Variants in RBFOX1 observed in about 807,000 individuals in gnomAD.
RBFOX1 encodes the protein RNA binding protein fox-1 homolog 1.
RBFOX1 carries 8 observed loss-of-function variants against 57.7 expected under a neutral mutation model. The observed-to-expected ratio is 0.14, with a 90% CI of 0.08 to 0.25. RBFOX1 has a LOEUF of 0.25. Among genes scored for constraint, RBFOX1 ranks in the 10% least tolerant of loss-of-function variants. RBFOX1 has a pLI of 1.00. For synonymous variants in RBFOX1, 326 were observed against 222.4 expected, an observed-to-expected ratio of 1.47 and a Z score of -4.15; for missense variants, 611 against 548.5, an observed-to-expected ratio of 1.11 and a Z score of -1.14.
chr16:5,757,941 G>T (rs2053458418), intron 3 of RBFOX1, among the ~76,000 whole-genome samples: 1 of 152,244 alleles, frequency 6.6e-6, no homozygotes, highest in East Asian at 1.9e-4. Context: ...CACCACTGTA[G>T]CTGACCCTGA....
intron 1 of RBFOX1, among the ~76,000 whole-genome samples, chr16:6,030,613 G>T (rs572577929): frequency 1.3e-5 from 2 of 152,134 alleles, no homozygotes; most frequent in African/African-American, 2.4e-5. Context: ...ATATAAGGTA[G>T]GTGAACATTG....
intron 3 of RBFOX1, among the ~76,000 whole-genome samples, chr16:5,678,816 T>C (rs1437685470): frequency 6.6e-6 from 1 of 152,246 alleles, no homozygotes; most frequent in East Asian, 1.9e-4. Flanking sequence ...AACCCGCTGT[T>C]CTAGCACGTT....
At chr16:5,578,884 G>A (rs1567251960) in intron 2 of RBFOX1, among the ~76,000 whole-genome samples, 1 of 121,414 alleles carries the variant, frequency 8.2e-6, no homozygotes, top group Non-Finnish European at 1.6e-5. Flanking sequence ...GTCTCACTCT[G>A]TCGCCCAGAC....
chr16:5,646,866 C>T (rs1036850816), intron 3 of RBFOX1, among the ~76,000 whole-genome samples: 1 of 152,044 alleles, frequency 6.6e-6, no homozygotes, highest in African/African-American at 2.4e-5. Context: ...ATCTCTTGAC[C>T]TCATGATCTG....
chr16:7,557,797 C>G (rs9933293), intron 5 of RBFOX1, among the ~76,000 whole-genome samples: 125,928 of 151,914 alleles, frequency 0.83, 53,647 homozygotes, highest in Non-Finnish European at 0.94. Context: ...GGGGAAGGAG[C>G]GGGAGAGGGC....
rs1265283889 is a variant in RBFOX1, at chr16:7,439,967, T to C, written c.28-78180T>C. 2.8e-4 allele frequency among the ~76,000 whole-genome samples: 42 copies of C among 150,512 alleles called. 1 individual carries two copies. On this transcript the variant is annotated intron_variant, in intron 4 of 15. Coordinates refer to ENST00000550418, the MANE Select transcript of RBFOX1 (RefSeq NM_018723.4). ...TTTCTTTCTTTTTTTTTTTTTTTTTTTTGAGACAGGGTCTCATTCTGTCAC... is the reference window on the plus strand; with the variant it reads ...TTTCTTTCTTTTTTTTTTTTTTTTTCTTGAGACAGGGTCTCATTCTGTCAC...
At chr16:5,762,072 G>T (rs894988704) in intron 3 of RBFOX1, among the ~76,000 whole-genome samples, 1 of 152,130 alleles carries the variant, frequency 6.6e-6, no homozygotes, top group Non-Finnish European at 1.5e-5. Context: ...AATAAAAATG[G>T]ATCTATTGTA....
At chr16:5,627,164 T>C (rs2048371332) in intron 3 of RBFOX1, among the ~76,000 whole-genome samples, 1 of 152,214 alleles carries the variant, frequency 6.6e-6, no homozygotes, top group Admixed American at 6.5e-5. Context: ...AGAAATTATT[T>C]GGGTAAGTTC....
chr16:5,969,795 G>C (rs1233382245), intron 4 of RBFOX1, among the ~76,000 whole-genome samples: 2 of 151,770 alleles, frequency 1.3e-5, no homozygotes, highest in African/African-American at 4.8e-5. Context: ...CTTTTATTTG[G>C]ACTTTGTTTC....
chr16:7,140,836 G>A (rs531531607), intron 4 of RBFOX1, among the ~76,000 whole-genome samples: 12 of 152,222 alleles, frequency 7.9e-5, no homozygotes, highest in Admixed American at 7.8e-4. Flanking sequence ...CACACCTCTT[G>A]GCGGACTCCA....
chr16:5,491,969 C>G (rs552183308), intron 2 of RBFOX1, among the ~76,000 whole-genome samples: 2 of 152,172 alleles, frequency 1.3e-5, no homozygotes, highest in Non-Finnish European at 2.9e-5. Context: ...TTTTTAAAGC[C>G]TCTGCAGTGA....
intron 3 of RBFOX1, among the ~76,000 whole-genome samples, chr16:6,888,580 T>C (rs1466829947): frequency 6.6e-6 from 1 of 152,140 alleles, no homozygotes; most frequent in East Asian, 1.9e-4. Flanking sequence ...AAATATTGTG[T>C]CCGTAGGGTT....
At chr16:5,864,030 T>G (rs1164471233) in intron 3 of RBFOX1, among the ~76,000 whole-genome samples, 1 of 152,170 alleles carries the variant, frequency 6.6e-6, no homozygotes, top group Non-Finnish European at 1.5e-5. Context: ...TGCCCATTAT[T>G]TTTCGTGATC....
At chr16:6,201,335 G>A (rs1412660718) in intron 1 of RBFOX1, among the ~76,000 whole-genome samples, 1 of 152,098 alleles carries the variant, frequency 6.6e-6, no homozygotes, top group Non-Finnish European at 1.5e-5. Context: ...AAGGATTGCT[G>A]GATCATATGG....
chr16:6,622,587 T>C (rs905449317), intron 2 of RBFOX1, among the ~76,000 whole-genome samples: 1 of 152,124 alleles, frequency 6.6e-6, no homozygotes, highest in Non-Finnish European at 1.5e-5. Flanking sequence ...ATCCTGACTC[T>C]TAAAGCAACA....
At chr16:5,338,425 C>A (rs766375389) in intron 1 of RBFOX1, among the ~76,000 whole-genome samples, 2 of 152,114 alleles carry the variant, frequency 1.3e-5, no homozygotes, top group Admixed American at 6.5e-5. Context: ...AGAAGCAGGA[C>A]AGCTGGTTTG....
intron 1 of RBFOX1, among the ~76,000 whole-genome samples, chr16:5,440,328 C>T (rs767734548): frequency 1.3e-5 from 2 of 152,148 alleles, no homozygotes; most frequent in Non-Finnish European, 2.9e-5. Context: ...TGCCCTTCAA[C>T]TTTGACTAGA....
rs575904097 is a variant in RBFOX1, at chr16:7,218,742, T to A, written c.27+166644T>A. Among the ~76,000 whole-genome samples, 48 of 144,268 alleles carry A rather than the reference T, an allele frequency of 3.3e-4. 1 individual carries two copies. The highest frequency in any genetic ancestry group is 9.2e-4 in the Admixed American group (13 of 14,186). 94.6% of individuals were successfully genotyped at this position (144,268 alleles called of 152,430 possible). A position where few individuals can be genotyped will look rare whatever the true frequency, so the allele number is the denominator to read the frequency against. On this transcript the variant is annotated intron_variant, in intron 4 of 15. Coordinates refer to ENST00000550418, the MANE Select transcript of RBFOX1 (RefSeq NM_018723.4). Reference sequence around the variant, plus strand: ...GTCATCTTAAAGTGTTTTTTTTTTTTAAAGTAGTTTTCAGCAGAGATTGCC... The same window carrying A: ...GTCATCTTAAAGTGTTTTTTTTTTTAAAAGTAGTTTTCAGCAGAGATTGCC...
At chr16:5,561,481 C>G (rs889702441) in intron 2 of RBFOX1, among the ~76,000 whole-genome samples, 1 of 152,008 alleles carries the variant, frequency 6.6e-6, no homozygotes, top group Admixed American at 6.6e-5. Flanking sequence ...CTTCTGGAAG[C>G]AGGTCTGTTT....
Sources: gnomAD v4.1 joint callset for allele counts (sites outside exome capture counted in the v4.1 genomes callset) on GRCh38, gnomAD v4.1.1 for gene constraint, MANE v1.5 for transcripts, NCBI Gene and HGNC (gene_info 2026-07-23, HGNC 2026-07-21) for gene names.